TRPC6: variants seen among roughly 807,000 people sequenced by gnomAD.
TRPC6 encodes the protein transient receptor potential cation channel subfamily C member 6, also known as short transient receptor potential channel 6.
In TRPC6, 55 loss-of-function variants were observed where a neutral mutation model predicts 90.7. That is an observed-to-expected ratio of 0.61 (90% CI 0.49 to 0.76). The LOEUF is 0.76. Ranked by LOEUF, TRPC6 falls within the 30% of genes least tolerant of loss-of-function variation. The pLI is 0.00. For missense variants in TRPC6, 989 were observed against 1,122.7 expected, an observed-to-expected ratio of 0.88 and a Z score of 1.70; for synonymous variants, 393 against 393.0, an observed-to-expected ratio of 1.00 and a Z score of 0.00.
chr11:101,532,052 T>C (rs1860923081), intron 1 of TRPC6, among the ~76,000 whole-genome samples: 1 of 152,204 alleles, frequency 6.6e-6, no homozygotes, highest in Non-Finnish European at 1.5e-5. Flanking sequence ...CTCATGGTGC[T>C]GAAGCAAAAG....
At chr11:101,457,963 A>G (rs1858923293) in intron 10 of TRPC6, among the ~76,000 whole-genome samples, 1 of 152,194 alleles carries the variant, frequency 6.6e-6, no homozygotes, top group Middle Eastern at 3.2e-3. Flanking sequence ...GGGTTACGTC[A>G]TGATAAATCC....
chr11:101,489,243 A>T, intron 3 of TRPC6, 142 bp from the exon 4 acceptor site: 1 of 802,812 alleles, frequency 1.2e-6, no homozygotes, highest in Non-Finnish European at 2.0e-6. Context: ...TCAAATTAAC[A>T]GGCAACAAAC....
intron 1 of TRPC6, among the ~76,000 whole-genome samples, chr11:101,562,981 C>T (rs114403792): frequency 0.018 from 2,777 of 152,202 alleles, 104 homozygotes; most frequent in African/African-American, 0.063. Context: ...TCTTCATTAG[C>T]GTTTCTTCTG....
At chr11:101,469,794 A>T (rs1399656475) in intron 9 of TRPC6, among the ~76,000 whole-genome samples, 8 of 152,216 alleles carry the variant, frequency 5.3e-5, no homozygotes, top group African/African-American at 1.9e-4. Context: ...CTTCTGGAAG[A>T]ATATCATAGA....
rs180930016 is a variant in TRPC6 at position 101,451,606 on chromosome 11, A to G, written c.*1349T>C. 6.6e-6 allele frequency: 1 copy of G among 152,374 alleles called. No homozygotes were observed. The highest frequency in any genetic ancestry group is 2.4e-5 in the African/African-American group (1 of 41,592). The allele number at this position is 152,374 out of a possible 1,614,324, so 9.4% of individuals were successfully genotyped here. On this transcript the variant is annotated 3_prime_UTR_variant, in exon 13 of 13. Coordinates refer to ENST00000344327, the MANE Select transcript of TRPC6 (RefSeq NM_004621.6). ...TTATGTATCACCAAGTAACTTTTCC[A>G]TAAGTAGTATCCACAAATACAAAAT...
In TRPC6 at chr11:101,455,042, G is replaced by T. The variant is rs61890853; in HGVS notation, c.2544C>A (p.Phe848Leu). Residue 848 changes from phenylalanine (F) to leucine (L), a missense_variant, in exon 11 of 13, where the codon TTC becomes TTA. Phe to Leu is a conservative substitution (Grantham distance 22, BLOSUM62 0). Coordinates refer to ENST00000344327, the MANE Select transcript of TRPC6 (RefSeq NM_004621.6). ...RSSEDFHLNS[F>L]NNPPRQYQKI... ...CCTGATATTGTCTTGGAGGATTATT[G>T]AAACTATTTAGATGGAAATCTTCTG... 1.3e-5 allele frequency: 21 copies of T among 1,612,106 alleles called. No homozygotes were observed. In the African/African-American group the frequency reaches 2.7e-4, roughly 21 times the overall value.
intron 1 of TRPC6, among the ~76,000 whole-genome samples, chr11:101,559,828 C>T (rs573014990): frequency 8.8e-4 from 120 of 136,704 alleles, no homozygotes; most frequent in Middle Eastern, 3.9e-3. Context: ...TGTTCCCCTT[C>T]CTGTGTCCAA....
At chr11:101,579,260 T>C (rs1253505435) in intron 1 of TRPC6, among the ~76,000 whole-genome samples, 1 of 152,200 alleles carries the variant, frequency 6.6e-6, no homozygotes, top group East Asian at 1.9e-4. Flanking sequence ...AGATGTTCTA[T>C]TTGTCCTTTT....
chr11:101,506,828 A>T (rs1478608829), intron 1 of TRPC6, among the ~76,000 whole-genome samples: 1 of 152,046 alleles, frequency 6.6e-6, no homozygotes, highest in African/African-American at 2.4e-5. Flanking sequence ...AGTTTATTCT[A>T]TGTCTTGATC....
chr11:101,577,552 A>G (rs1862096295), intron 1 of TRPC6, among the ~76,000 whole-genome samples: 1 of 152,210 alleles, frequency 6.6e-6, no homozygotes, highest in Non-Finnish European at 1.5e-5. Flanking sequence ...TACACCAAAG[A>G]AAAAGGTTGT....
intron 1 of TRPC6, among the ~76,000 whole-genome samples, chr11:101,521,537 G>A (rs1860661057): frequency 6.6e-6 from 1 of 152,224 alleles, no homozygotes. Context: ...TGTGAGGTTG[G>A]AGCCCCCACA....
intron 1 of TRPC6, among the ~76,000 whole-genome samples, chr11:101,522,123 G>A (rs1052910139): frequency 6.6e-6 from 1 of 152,126 alleles, no homozygotes; most frequent in African/African-American, 2.4e-5. Context: ...GGAGGGGCTA[G>A]GGGCAGAATA....
chr11:101,540,584 T>C (rs921521406), intron 1 of TRPC6, among the ~76,000 whole-genome samples: 4 of 152,212 alleles, frequency 2.6e-5, no homozygotes, highest in African/African-American at 9.6e-5. Context: ...ACTCAATGTA[T>C]AATTCAGAGG....
intron 4 of TRPC6, among the ~76,000 whole-genome samples, chr11:101,485,449 G>A (rs1437625836): frequency 2.0e-5 from 3 of 151,612 alleles, no homozygotes; most frequent in East Asian, 1.9e-4. Flanking sequence ...TCCATGATAT[G>A]TTTCACATAA....
At chr11:101,485,964 A>C (rs559388591) in intron 4 of TRPC6, among the ~76,000 whole-genome samples, 2 of 152,144 alleles carry the variant, frequency 1.3e-5, no homozygotes, top group African/African-American at 2.4e-5. Context: ...CCACTGGCCT[A>C]CTGACCTTTA....
rs757707794 is a variant in TRPC6, at chr11:101,471,406, A to C, written c.2206-20T>G. On this transcript the variant is annotated intron_variant, in intron 8 of 12. Coordinates refer to ENST00000344327, the MANE Select transcript of TRPC6 (RefSeq NM_004621.6). ...GTCATCCTATACAAATACACATGAC[A>C]GTTCAGCAAGGAAATGCATAAACAG... The C allele has an allele frequency of 8.1e-6, 13 of 1,612,580 alleles. No individual in the cohort carries two copies. Among genetic ancestry groups the C allele is most frequent in the South Asian group, 5.5e-5 (5 of 91,050 alleles).
At chr11:101,466,635 G>C (rs765101573) in intron 10 of TRPC6, among the ~76,000 whole-genome samples, 7 of 152,234 alleles carry the variant, frequency 4.6e-5, no homozygotes, top group South Asian at 2.1e-4. Flanking sequence ...ATCTTAGTTT[G>C]CTGGGCTCCG....
At chr11:101,572,910 T>C (rs892516048) in intron 1 of TRPC6, among the ~76,000 whole-genome samples, 9 of 152,168 alleles carry the variant, frequency 5.9e-5, no homozygotes, top group Admixed American at 3.9e-4. Context: ...CTAATGTAGA[T>C]GACGGGTTGA....
At chr11:101,566,859 C>T (rs1861844540) in intron 1 of TRPC6, among the ~76,000 whole-genome samples, 1 of 152,190 alleles carries the variant, frequency 6.6e-6, no homozygotes, top group African/African-American at 2.4e-5. Context: ...GGGCTTTTCC[C>T]ACAGTCCTGG....
Sources: allele counts gnomAD v4.1 joint callset (sites outside exome capture counted in the v4.1 genomes callset), GRCh38; gene constraint gnomAD v4.1.1; transcripts MANE v1.5; gene names NCBI Gene and HGNC (gene_info 2026-07-23, HGNC 2026-07-21).